Variants in CHRNB2 observed in about 807,000 individuals in gnomAD.
CHRNB2 encodes neuronal acetylcholine receptor subunit beta-2.
Under a neutral mutation model 42.7 loss-of-function variants are expected in CHRNB2, and 33 were observed. The ratio of observed to expected loss-of-function variants is 0.77; its 90% confidence interval spans 0.59 to 1.03. The LOEUF is 1.03. Among genes scored for constraint, CHRNB2 ranks in the 50% least tolerant of loss-of-function variants. The pLI, the probability that CHRNB2 is intolerant of heterozygous loss-of-function variation, is 0.00. For synonymous variants in CHRNB2, 325 were observed against 292.9 expected, an observed-to-expected ratio of 1.11 and a Z score of -1.12; for missense variants, 603 against 700.9, an observed-to-expected ratio of 0.86 and a Z score of 1.58.
chr1:154,574,368 G>T (rs1265019439), intron 5 of CHRNB2, among the ~76,000 whole-genome samples: 1 of 152,118 alleles, frequency 6.6e-6, no homozygotes, highest in Non-Finnish European at 1.5e-5. Flanking sequence ...GATGTCCTTT[G>T]TAGCATCACC....
At position 154,571,857 on chromosome 1, in the gene CHRNB2, C is replaced by T. The variant is rs141511378; in HGVS notation, c.1034C>T (p.Ala345Val). ...GTCGTCTTCCTGGAGAAGCTGCCCG[C>T]GCTGCTCTTCATGCAGCAGCCACGC... ...VKVVFLEKLPALLFMQQPRHH... is the reference protein window; with the variant it reads ...VKVVFLEKLPVLLFMQQPRHH... Residue 345 changes from alanine to valine, a missense_variant, in exon 5 of 6, where the codon GCG (alanine) becomes GTG (valine). Physicochemically the swap from Ala to Val is moderately conservative, Grantham distance 64 (BLOSUM62 0). Around this residue, in one of 2 missense-constraint regions of CHRNB2, gnomAD observed 270 missense variants for 248.3 expected, o/e 1.09. Transcript: ENST00000368476. The surrounding 1 kb of genome is among the most constrained non-coding windows in gnomAD (Gnocchi z 6.8). 7 of 1,608,122 alleles carry T rather than the reference C, an allele frequency of 4.4e-6. No homozygotes were observed. The African/African-American group carries it at 6.7e-5, about 15-fold the overall frequency.
At chr1:154,573,261 C>T (rs985980196) in intron 5 of CHRNB2, among the ~76,000 whole-genome samples, 2 of 152,190 alleles carry the variant, frequency 1.3e-5, no homozygotes, top group Non-Finnish European at 2.9e-5. Context: ...CTCCACCTCT[C>T]CTGCTGCAGT....
intron 5 of CHRNB2, among the ~76,000 whole-genome samples, chr1:154,573,892 G>C (rs1696221488): frequency 6.6e-6 from 1 of 152,166 alleles, no homozygotes; most frequent in African/African-American, 2.4e-5. Context: ...GGGATTATAG[G>C]TTCCCGCCAC....
At chr1:154,574,463 CTT>C (rs1696233565) in intron 5 of CHRNB2, among the ~76,000 whole-genome samples, 2 of 152,176 alleles carry the variant, frequency 1.3e-5, no homozygotes, top group African/African-American at 4.8e-5. Context: ...AGTTCCTCAG[CTT>C]TGTCTTTCAT....
intron 3 of CHRNB2, 28 bp from the exon 4 acceptor site, chr1:154,570,230 G>C: frequency 2.0e-6 from 3 of 1,493,496 alleles, no homozygotes; most frequent in Middle Eastern, 3.6e-4. Context: ...GGCACAAGTT[G>C]GTACTGCCTC....
Position 154,569,808 on chromosome 1 carries a change from T to C in CHRNB2, c.227T>C (p.Ile76Thr). ...QLISVHEREQ[I>T]MTTNVWLTQE... Reference sequence around the variant, plus strand: ...TCCCTGCAGCATGAGCGGGAGCAGATCATGACCACCAATGTCTGGCTGACC... The same window carrying C: ...TCCCTGCAGCATGAGCGGGAGCAGACCATGACCACCAATGTCTGGCTGACC... Residue 76 changes from isoleucine to threonine, a missense_variant, in exon 3 of 6, where the codon ATC becomes ACC. Ile to Thr is a moderately conservative substitution (Grantham distance 89). This residue lies in a region of CHRNB2 where 333 missense variants were observed against 452.6 expected (regional missense o/e 0.74). Coordinates refer to ENST00000368476, the MANE Select transcript of CHRNB2 (RefSeq NM_000748.3). 6.2e-7 allele frequency: 1 copy of C among 1,614,116 alleles called. No individual in the cohort carries two copies.
At chr1:154,570,542 G>A (rs944921396) in intron 4 of CHRNB2, among the ~76,000 whole-genome samples, 175 bp downstream of exon 4, 1 of 152,110 alleles carries the variant, frequency 6.6e-6, no homozygotes, top group African/African-American at 2.4e-5. Context: ...GGACAGCCAA[G>A]GTGACCTGGG....
rs1226108890 is a variant in CHRNB2 at position 154,577,341 on chromosome 1, T to C, written c.*1409T>C. 6.6e-6 allele frequency: 1 copy of C among 152,328 alleles called. No individual in the cohort carries two copies. Among genetic ancestry groups the C allele is most frequent in the Non-Finnish European group, 1.5e-5 (1 of 68,148 alleles). 9.4% of individuals were successfully genotyped at this position (152,328 alleles called of 1,614,324 possible). On this transcript the variant is annotated 3_prime_UTR_variant, in exon 6 of 6. Coordinates refer to ENST00000368476, the MANE Select transcript of CHRNB2 (RefSeq NM_000748.3). Reference sequence around the variant, plus strand: ...TTTGTCCCTAGAGCCCAGCTGGGACTCCTGCTTCTCTAGGCAGGGCAGAGG... The same window carrying C: ...TTTGTCCCTAGAGCCCAGCTGGGACCCCTGCTTCTCTAGGCAGGGCAGAGG...
Position 154,569,549 on chromosome 1 carries a change from A to G in CHRNB2, c.152A>G (p.Asn51Ser), listed in dbSNP as rs750797578. 4.3e-6 allele frequency: 7 copies of G among 1,614,028 alleles called. No homozygotes were observed. The highest frequency in any genetic ancestry group is 5.9e-6 in the Non-Finnish European group (7 of 1,179,966). The stretch of plus-strand genomic sequence containing the variant: ...AACAAGCTTATCCGCCCAGCCACCA[A>G]TGGCTCTGAGCTGGTGACAGTACAG... ...RYNKLIRPAT[N>S]GSELVTVQLM... Residue 51 changes from asparagine (N) to serine (S), a missense_variant, in exon 2 of 6, where the codon AAT (asparagine) becomes AGT (serine). Around this residue, in one of 2 missense-constraint regions of CHRNB2, gnomAD observed 333 missense variants for 452.6 expected, o/e 0.74. Coordinates refer to ENST00000368476, the MANE Select transcript of CHRNB2 (RefSeq NM_000748.3).
At chr1:154,572,711 G>A (rs1696201554) in intron 5 of CHRNB2, among the ~76,000 whole-genome samples, 1 of 152,094 alleles carries the variant, frequency 6.6e-6, no homozygotes, top group African/African-American at 2.4e-5. Flanking sequence ...GTGGTGGAGA[G>A]CATGGAGTCC....
chr1:154,572,268 T>C, intron 5 of CHRNB2, 107 bp downstream of exon 5: 1 of 1,510,414 alleles, frequency 6.6e-7, no homozygotes, highest in Non-Finnish European at 8.8e-7. Flanking sequence ...AGTAGGAGTG[T>C]AGGGGAGGAA....
chr1:154,571,132 A>G lies in CHRNB2; in HGVS notation c.366-57A>G, dbSNP rs1571021603. 6.8e-6 allele frequency: 11 copies of G among 1,612,528 alleles called. No individual in the cohort carries two copies. Among genetic ancestry groups the G allele is most frequent in the Non-Finnish European group, 9.3e-6 (11 of 1,179,912 alleles). On this transcript the variant is annotated intron_variant, in intron 4 of 5. Transcript: ENST00000368476. The surrounding 1 kb of genome is among the most constrained non-coding windows in gnomAD (Gnocchi z 6.8). ...TCTCCTCCCATTAGGGGCTGGGTTG[A>G]TGGGTAAGGAGGAAGGAACGCTTAG...
Position 154,576,107 on chromosome 1 carries a change from C to A in CHRNB2, c.*175C>A. 1.3e-6 allele frequency: 1 copy of A among 754,210 alleles called. No individual in the cohort carries two copies. Among genetic ancestry groups the A allele is most frequent in the Non-Finnish European group, 2.2e-6 (1 of 447,914 alleles). The allele number at this position is 754,210 out of a possible 1,614,324, so 46.7% of individuals were successfully genotyped here. ...CGCCTCCATCCACACACAGCAGCTC[C>A]AACCTGGAGGCTGGACCAACTGCTT... On this transcript the variant is annotated 3_prime_UTR_variant, in exon 6 of 6. Transcript: ENST00000368476.
At position 154,575,749 on chromosome 1, in the gene CHRNB2, C is replaced by T; in HGVS notation, c.1339-13C>T. 2 of 1,614,104 alleles carry T rather than the reference C, an allele frequency of 1.2e-6. No individual in the cohort carries two copies. Among genetic ancestry groups the T allele is most frequent in the Non-Finnish European group, 1.7e-6 (2 of 1,179,974 alleles). ...ATCATGTGACCTGGGCCTCCTCCGT[C>T]TCCTCCATCCAGGTGAGTGAGGACT... is the stretch of plus-strand genomic sequence containing the variant. On this transcript the variant is annotated splice_polypyrimidine_tract_variant and intron_variant, in intron 5 of 5. Transcript: ENST00000368476.
rs764498388 is a variant in CHRNB2, at chr1:154,569,472, T to C, written c.75T>C (p.Gly25=). The part of the protein sequence containing the change: ...GLLRLCSGVW[G]TDTEERLVEH... ...CTTTCCCCTGCCCAGGGGTGTGGGG[T>C]ACGGATACAGAGGAGCGGCTGGTGG... The change falls in exon 2 of 6, where the codon GGT becomes GGC. Residue 25 remains glycine, a synonymous_variant. Coordinates refer to ENST00000368476, the MANE Select transcript of CHRNB2 (RefSeq NM_000748.3). 2 of 1,613,616 alleles carry C rather than the reference T, an allele frequency of 1.2e-6. No individual in the cohort carries two copies. The highest frequency in any genetic ancestry group is 2.7e-5 in the African/African-American group (2 of 74,848).
In CHRNB2 at chr1:154,578,809, G is replaced by C. The variant is rs1411654440; in HGVS notation, c.*2877G>C. 1 of 152,234 alleles carries C rather than the reference G, an allele frequency of 6.6e-6. No individual in the cohort carries two copies. Among genetic ancestry groups the C allele is most frequent in the East Asian group, 1.9e-4 (1 of 5,196 alleles). 9.4% of individuals were successfully genotyped at this position (152,234 alleles called of 1,614,324 possible). A position where few individuals can be genotyped will look rare whatever the true frequency, so the allele number is the denominator to read the frequency against. On this transcript the variant is annotated 3_prime_UTR_variant, in exon 6 of 6. Coordinates refer to ENST00000368476, the MANE Select transcript of CHRNB2 (RefSeq NM_000748.3). Reference sequence around the variant, plus strand: ...GAATCGGGTGCCCAGCTTAATGCTGGGCAAGGACTGGAGGAAGCTCCAGAT... The same window carrying C: ...GAATCGGGTGCCCAGCTTAATGCTGCGCAAGGACTGGAGGAAGCTCCAGAT...
rs112695479 is a variant in CHRNB2 at position 154,574,382 on chromosome 1, C to G, written c.1339-1380C>G. ...TGATGTCCTTTGTAGCATCACCCCC[C>G]ACCCTCATCCTAATCCAGGGTCTCA... is the stretch of plus-strand genomic sequence containing the variant. On this transcript the variant is annotated intron_variant, in intron 5 of 5. Coordinates refer to ENST00000368476, the MANE Select transcript of CHRNB2 (RefSeq NM_000748.3). 6.6e-5 allele frequency among the ~76,000 whole-genome samples: 10 copies of G among 152,342 alleles called. 2 individuals are homozygous for G. Among genetic ancestry groups the G allele is most frequent in the African/African-American group, 2.4e-4 (10 of 41,586 alleles).
At position 154,571,618 on chromosome 1, in the gene CHRNB2, G is replaced by T; in HGVS notation, c.795G>T (p.Lys265Asn). 1 of 1,614,250 alleles carries T rather than the reference G, an allele frequency of 6.2e-7. No homozygotes were observed. Among genetic ancestry groups the T allele is most frequent in the African/African-American group, 1.3e-5 (1 of 75,064 alleles). Residue 265 changes from lysine (K) to asparagine (N), a missense_variant, in exon 5 of 6, where the codon AAG (lysine) becomes AAT (asparagine). By Grantham distance (94) the Lys-to-Asn change is moderately conservative. Transcript: ENST00000368476. The surrounding 1 kb of genome is among the most constrained non-coding windows in gnomAD (Gnocchi z 6.8). ...VFYLPSDCGE[K>N]MTLCISVLLA... ...ACCTGCCATCCGACTGTGGCGAGAA[G>T]ATGACGTTGTGCATCTCAGTGCTGC... is the stretch of plus-strand genomic sequence containing the variant.
At chr1:154,573,851 C>T (rs1451805356) in intron 5 of CHRNB2, among the ~76,000 whole-genome samples, 1 of 152,148 alleles carries the variant, frequency 6.6e-6, no homozygotes. Context: ...GGGGTTCAAG[C>T]GATTCTCCTG....
Sources: gnomAD v4.1 joint callset for allele counts (sites outside exome capture counted in the v4.1 genomes callset) on GRCh38, gnomAD v4.1.1 for gene constraint, gnomAD v4.1.1 regional missense constraint, Gnocchi (gnomAD v3.1) non-coding constraint, MANE v1.5 for transcripts, NCBI Gene and HGNC (gene_info 2026-07-23, HGNC 2026-07-21) for gene names.